The following COL22A1 variants were observed in gnomAD, a reference collection of about 807,000 sequenced individuals.
COL22A1 encodes the protein collagen type XXII alpha 1 chain, also known as collagen alpha-1(XXII) chain.
Under a neutral mutation model 248.9 loss-of-function variants are expected in COL22A1, and 221 were observed. That is an observed-to-expected ratio of 0.89 (90% CI 0.80 to 0.99). The LOEUF (loss-of-function observed/expected upper bound fraction) is 0.99. COL22A1 is among the 50% of genes least tolerant of loss of function. COL22A1 has a pLI of 0.00. For missense variants in COL22A1, 2,240 were observed against 2,179.0 expected (o/e 1.03, Z -0.56); for synonymous variants, 891 against 793.4 (o/e 1.12, Z -2.07).
At chr8:138,636,536 G>GAAAGGAAAGGAAAGGAAAGGAGAGGA (rs1554726203) in intron 48 of COL22A1, among the ~76,000 whole-genome samples, 1 of 151,278 alleles carries the variant, frequency 6.6e-6, no homozygotes. Context: ...GAAAGGAAAG[G>GAAAGGAAAGGAAAGGAAAGGAGAGGA]CAGGGAGGCT....
intron 36 of COL22A1, among the ~76,000 whole-genome samples, chr8:138,690,327 G>A (rs1699066904): frequency 6.6e-6 from 1 of 152,152 alleles, no homozygotes; most frequent in African/African-American, 2.4e-5. Context: ...CCTCGACATG[G>A]AAAAGGCAGA....
intron 20 of COL22A1, 116 bp from the exon 21 acceptor site, chr8:138,755,326 G>T: frequency 7.7e-7 from 1 of 1,301,156 alleles, no homozygotes; most frequent in Non-Finnish European, 1.1e-6. Context: ...TCTCGATAGG[G>T]AGTAGAGGTA....
chr8:138,626,848 CAA>C (rs1820287615), intron 50 of COL22A1, among the ~76,000 whole-genome samples: 3 of 152,270 alleles, frequency 2.0e-5, no homozygotes, highest in Admixed American at 2.0e-4. Flanking sequence ...TTTTATTCAT[CAA>C]AGACTTACAT....
intron 22 of COL22A1, among the ~76,000 whole-genome samples, chr8:138,737,999 C>A (rs1831253816): frequency 6.6e-6 from 1 of 152,134 alleles, no homozygotes; most frequent in African/African-American, 2.4e-5. Flanking sequence ...CCAACACACA[C>A]ACTCCCCCGT....
chr8:138,782,978 G>A (rs907430065), intron 12 of COL22A1, among the ~76,000 whole-genome samples: 1 of 152,202 alleles, frequency 6.6e-6, no homozygotes, highest in South Asian at 2.1e-4. Flanking sequence ...AAGGGACTGT[G>A]CAAAGACACA....
At chr8:138,630,572 A>T in intron 50 of COL22A1, 123 bp downstream of exon 50, 1 of 823,746 alleles carries the variant, frequency 1.2e-6, no homozygotes, top group Non-Finnish European at 2.1e-6. Context: ...TGTAGTGAAC[A>T]GAACCTCAAA....
rs374834834 is a variant in COL22A1, at chr8:138,755,181, G to A, written c.2007C>T (p.Gly669=). 1.3e-4 allele frequency: 203 copies of A among 1,613,962 alleles called. No individual in the cohort carries two copies. Among genetic ancestry groups the A allele is most frequent in the Non-Finnish European group, 1.6e-4 (183 of 1,180,000 alleles). Residue 669 remains glycine, a synonymous_variant, in exon 21 of 65, where the codon GGC becomes GGT. Coordinates refer to ENST00000303045, the MANE Select transcript of COL22A1 (RefSeq NM_152888.3). The part of the protein sequence containing the change: ...QGAPGPRGHQ[G]APGPPGARGP... ...CCCGAGCTCCTGGAGGACCGGGGGC[G>A]CCTTGGTGACCTCTGGGTCCTGGAG... is the stretch of plus-strand genomic sequence containing the variant.
intron 7 of COL22A1, among the ~76,000 whole-genome samples, chr8:138,819,727 A>C (rs1454855472): frequency 1.3e-5 from 2 of 148,630 alleles, no homozygotes; most frequent in East Asian, 3.9e-4. Flanking sequence ...ATTATATATA[A>C]TTTATATATT....
At position 138,676,758 on chromosome 8, in the gene COL22A1, T is replaced by A. The variant is rs368557035; in HGVS notation, c.3073-123A>T. The A allele has an allele frequency of 1.2e-3, 849 of 707,700 alleles. 2 individuals carry two copies. The highest frequency in any genetic ancestry group is 1.6e-3 in the Middle Eastern group (4 of 2,486). 43.8% of individuals were successfully genotyped at this position (707,700 alleles called of 1,614,324 possible). On this transcript the variant is annotated intron_variant, in intron 40 of 64. Coordinates refer to ENST00000303045, the MANE Select transcript of COL22A1 (RefSeq NM_152888.3). ...GGCTTCTCCTGCCACCTGGCCTCCA[T>A]GGGCCATGCTATAGTCTACCCAGGC...
intron 52 of COL22A1, among the ~76,000 whole-genome samples, chr8:138,621,614 G>A (rs533742728): frequency 8.5e-5 from 13 of 152,328 alleles, no homozygotes; most frequent in South Asian, 6.2e-4. Flanking sequence ...TCCGGGGTCA[G>A]CCTGCAGGAG....
intron 6 of COL22A1, among the ~76,000 whole-genome samples, chr8:138,826,228 A>C (rs1586835330): frequency 6.6e-6 from 1 of 152,144 alleles, no homozygotes; most frequent in African/African-American, 2.4e-5. Context: ...AGATAAAGTA[A>C]CCCATCCCAG....
chr8:138,782,696 C>T (rs907356406), intron 12 of COL22A1, among the ~76,000 whole-genome samples: 4 of 152,174 alleles, frequency 2.6e-5, no homozygotes, highest in Admixed American at 2.0e-4. Context: ...GATATTGTTA[C>T]CAGCAGCAGG....
At chr8:138,630,987 A>T (rs1820674098) in intron 49 of COL22A1, among the ~76,000 whole-genome samples, 1 of 152,162 alleles carries the variant, frequency 6.6e-6, no homozygotes, top group Non-Finnish European at 1.5e-5. Flanking sequence ...GCCCCCACTC[A>T]GTTCATGCAA....
chr8:138,852,798 G>C (rs987936784), intron 3 of COL22A1, among the ~76,000 whole-genome samples: 23 of 151,938 alleles, frequency 1.5e-4, no homozygotes, highest in African/African-American at 5.6e-4. Flanking sequence ...TGGAGGGAGT[G>C]TTTCACGCAG....
intron 49 of COL22A1, among the ~76,000 whole-genome samples, chr8:138,633,222 T>C (rs1311696068): frequency 6.6e-6 from 1 of 152,212 alleles, no homozygotes; most frequent in Non-Finnish European, 1.5e-5. Flanking sequence ...CAGCATCCAT[T>C]CTCACAGGCT....
intron 10 of COL22A1, 121 bp from the exon 11 acceptor site, chr8:138,803,055 C>T (rs1817138196): frequency 2.5e-6 from 2 of 789,888 alleles, no homozygotes; most frequent in Non-Finnish European, 4.5e-6. Flanking sequence ...TTCATCTTTG[C>T]CATTTCTGCA....
chr8:138,725,507 T>C, intron 23 of COL22A1, 67 bp from the exon 24 acceptor site: 2 of 1,349,926 alleles, frequency 1.5e-6, no homozygotes, highest in Non-Finnish European at 2.1e-6. Flanking sequence ...ACAGTGGGCA[T>C]TTGAAAGAGG....
chr8:138,790,663 G>T lies in COL22A1; in HGVS notation c.1596+6156C>A, dbSNP rs574079212. ...TGAGAAGAACCCATTATTTAACACT[G>T]TGGACAGCACAAGGTGTGTCTGTCT... is the stretch of plus-strand genomic sequence containing the variant. On this transcript the variant is annotated intron_variant, in intron 12 of 64. Transcript: ENST00000303045. Among the ~76,000 whole-genome samples, 4 of 152,316 alleles carry T rather than the reference G, an allele frequency of 2.6e-5. No individual in the cohort carries two copies. In the East Asian group the frequency reaches 7.7e-4, roughly 29 times the overall value.
At chr8:138,822,335 C>T (rs973844663) in intron 6 of COL22A1, among the ~76,000 whole-genome samples, 4 of 152,268 alleles carry the variant, frequency 2.6e-5, no homozygotes, top group South Asian at 4.2e-4. Context: ...CTGATGTGAG[C>T]CACCGTGCTC....
Sources: gnomAD v4.1 joint callset for allele counts (sites outside exome capture counted in the v4.1 genomes callset) on GRCh38, gnomAD v4.1.1 for gene constraint, MANE v1.5 for transcripts, NCBI Gene and HGNC (gene_info 2026-07-23, HGNC 2026-07-21) for gene names.